Variants in EPHA6 observed in about 807,000 individuals in gnomAD.
EPHA6 encodes the protein ephrin type-A receptor 6.
Under a neutral mutation model 112.0 loss-of-function variants are expected in EPHA6, and 50 were observed. The observed-to-expected ratio is 0.45, with a 90% CI of 0.36 to 0.56. The LOEUF (loss-of-function observed/expected upper bound fraction) is 0.56, where lower values mean the gene tolerates loss of function less well. Among genes scored for constraint, EPHA6 ranks in the 20% least tolerant of loss-of-function variants. The probability of loss-of-function intolerance (pLI) is 0.00; values close to 1 mark genes in which losing one functional copy is unlikely to be tolerated. For missense variants in EPHA6, 1,280 were observed against 1,417.4 expected, an observed-to-expected ratio of 0.90 and a Z score of 1.56; for synonymous variants, 529 against 490.7, an observed-to-expected ratio of 1.08 and a Z score of -1.03.
intron 3 of EPHA6, among the ~76,000 whole-genome samples, chr3:97,217,662 T>C (rs1457816834): frequency 6.6e-6 from 1 of 152,202 alleles, no homozygotes; most frequent in Non-Finnish European, 1.5e-5. Context: ...TGTGTAGATA[T>C]ATCACAATAT....
At chr3:97,258,392 G>A (rs1041196649) in intron 5 of EPHA6, among the ~76,000 whole-genome samples, 6 of 151,932 alleles carry the variant, frequency 3.9e-5, no homozygotes, top group African/African-American at 1.5e-4. Flanking sequence ...TGCTCACTCA[G>A]GACATCAACA....
At chr3:97,613,744 T>G (rs2093739764) in intron 13 of EPHA6, among the ~76,000 whole-genome samples, 1 of 152,168 alleles carries the variant, frequency 6.6e-6, no homozygotes, top group Admixed American at 6.6e-5. Context: ...AAGCAAATCA[T>G]CAGCAGCCTG....
chr3:97,565,264 GA>G (rs543149359), intron 11 of EPHA6, among the ~76,000 whole-genome samples: 108 of 142,966 alleles, frequency 7.6e-4, no homozygotes, highest in African/African-American at 2.5e-3. Context: ...TTAGCCCCAA[GA>G]AAAAAAAAAG....
At chr3:97,384,618 T>A (rs2085950630) in intron 5 of EPHA6, among the ~76,000 whole-genome samples, 1 of 152,170 alleles carries the variant, frequency 6.6e-6, no homozygotes, top group African/African-American at 2.4e-5. Flanking sequence ...TGAGCCTGAG[T>A]CAACAGAATA....
chr3:97,323,136 A>G (rs2082198723), intron 5 of EPHA6, among the ~76,000 whole-genome samples: 1 of 151,968 alleles, frequency 6.6e-6, no homozygotes, highest in Non-Finnish European at 1.5e-5. Context: ...GCATTTAATC[A>G]TGCTACTGAG....
At chr3:97,135,001 G>A (rs2075732800) in intron 3 of EPHA6, among the ~76,000 whole-genome samples, 1 of 152,080 alleles carries the variant, frequency 6.6e-6, no homozygotes, top group Non-Finnish European at 1.5e-5. Flanking sequence ...CAGATAAGAG[G>A]AATTCAGAGA....
chr3:97,103,199 C>A (rs532815403), intron 3 of EPHA6, among the ~76,000 whole-genome samples: 4 of 152,086 alleles, frequency 2.6e-5, no homozygotes, highest in Non-Finnish European at 2.9e-5. Flanking sequence ...GTCATTAAAT[C>A]TTTGCCCATT....
chr3:96,851,263 G>T (rs1331494972), intron 1 of EPHA6, among the ~76,000 whole-genome samples: 1 of 152,054 alleles, frequency 6.6e-6, no homozygotes, highest in Non-Finnish European at 1.5e-5. Flanking sequence ...TAACAGTATG[G>T]ATCTGAGTGA....
At chr3:97,238,071 G>T (rs2078732655) in intron 4 of EPHA6, among the ~76,000 whole-genome samples, 1 of 151,860 alleles carries the variant, frequency 6.6e-6, no homozygotes, top group Non-Finnish European at 1.5e-5. Flanking sequence ...TACCATTTTG[G>T]AAATTTCCCA....
rs371280234 is a variant in EPHA6 at position 97,660,112 on chromosome 3, T to C, written c.2784+22030T>C. ...ATTCTTATGTGCATTTTTTTAATTT[T>C]TACTCTTGAAACCCTATAAAACATT... On this transcript the variant is annotated intron_variant, in intron 14 of 17. Coordinates refer to ENST00000389672, the MANE Select transcript of EPHA6 (RefSeq NM_001080448.3). Among the ~76,000 whole-genome samples, 34 of 152,202 alleles carry C rather than the reference T, an allele frequency of 2.2e-4. No homozygotes were observed. In the South Asian group the frequency reaches 2.7e-3, roughly 12 times the overall value.
intron 5 of EPHA6, among the ~76,000 whole-genome samples, chr3:97,296,885 TGTA>T (rs2080892833): frequency 6.6e-6 from 1 of 152,154 alleles, no homozygotes; most frequent in Non-Finnish European, 1.5e-5. Flanking sequence ...ATCATCCCAC[TGTA>T]GTCCTCTGGG....
At chr3:96,954,681 TAA>T (rs1346709506) in intron 2 of EPHA6, among the ~76,000 whole-genome samples, 2 of 151,818 alleles carry the variant, frequency 1.3e-5, no homozygotes, top group African/African-American at 4.8e-5. Context: ...GATAGTTTTA[TAA>T]GTTTTAAAAA....
chr3:97,747,615 G>C lies in EPHA6; in HGVS notation c.3278+43G>C. On this transcript the variant is annotated intron_variant, in intron 17 of 17. Coordinates refer to ENST00000389672, the MANE Select transcript of EPHA6 (RefSeq NM_001080448.3). ...TATTACTGTAACGAGATGTCCTGCTGGGGATTATAAGTTCAAATGCTGTAT... is the reference window on the plus strand; with the variant it reads ...TATTACTGTAACGAGATGTCCTGCTCGGGATTATAAGTTCAAATGCTGTAT... The C allele has an allele frequency of 2.0e-6, 3 of 1,512,972 alleles. No homozygotes were observed. In the South Asian group the frequency reaches 4.1e-5, roughly 21 times the overall value. The allele number at this position is 1,512,972 out of a possible 1,614,324, so 93.7% of individuals were successfully genotyped here. A position where few individuals can be genotyped will look rare whatever the true frequency, so the allele number is the denominator to read the frequency against.
Position 96,987,423 on chromosome 3 carries a change from C to T in EPHA6, c.544C>T (p.Arg182Cys), listed in dbSNP as rs760704852. 27 of 1,613,742 alleles carry T rather than the reference C, an allele frequency of 1.7e-5. No individual in the cohort carries two copies. Among genetic ancestry groups the T allele is most frequent in the African/African-American group, 5.3e-5 (4 of 74,892 alleles). The change falls in exon 3 of 18, where the codon CGT (arginine) becomes TGT (cysteine). Residue 182 changes from arginine to cysteine, a missense_variant. Coordinates refer to ENST00000389672, the MANE Select transcript of EPHA6 (RefSeq NM_001080448.3). ...VMEPNQNNWLRTNWISRDAAQ... is the reference protein window; with the variant it reads ...VMEPNQNNWLCTNWISRDAAQ... ...GGAACCAAACCAAAACAACTGGCTT[C>T]GTACAAACTGGATCTCCCGTGATGC...
rs151147203 is a variant in EPHA6, at chr3:97,628,173, T to C, written c.2575-9700T>C. On this transcript the variant is annotated intron_variant, in intron 13 of 17. Transcript: ENST00000389672. Reference sequence around the variant, plus strand: ...CTTTTGCCATAATCCAGGTAAGAGATAATGATGCTCTAAACTAGGATCGTT... The same window carrying C: ...CTTTTGCCATAATCCAGGTAAGAGACAATGATGCTCTAAACTAGGATCGTT... Among the ~76,000 whole-genome samples the C allele has an allele frequency of 5.3e-5, 8 of 152,170 alleles. No homozygotes were observed. The East Asian group carries it at 5.8e-4, about 11-fold the overall frequency.
At chr3:97,186,489 C>A (rs2077141252) in intron 3 of EPHA6, among the ~76,000 whole-genome samples, 1 of 152,120 alleles carries the variant, frequency 6.6e-6, no homozygotes, top group African/African-American at 2.4e-5. Flanking sequence ...TTGATCTTAT[C>A]AAGCTTCTTG....
intron 7 of EPHA6, among the ~76,000 whole-genome samples, chr3:97,469,116 T>A (rs1438372698): frequency 6.6e-6 from 1 of 151,708 alleles, no homozygotes; most frequent in Non-Finnish European, 1.5e-5. Flanking sequence ...TATCGAATGA[T>A]CATATGAAGG....
chr3:97,066,610 A>G (rs1037451435), intron 3 of EPHA6, among the ~76,000 whole-genome samples: 3 of 152,190 alleles, frequency 2.0e-5, no homozygotes, highest in Admixed American at 2.0e-4. Context: ...GGTTTATCTT[A>G]TCAAAACAGA....
rs778063250 is a variant in EPHA6, at chr3:97,638,056, G to A, written c.2758G>A (p.Asp920Asn). Residue 920 changes from aspartate (D) to asparagine (N), a missense_variant, in exon 14 of 18, where the codon GAT (aspartate) becomes AAT (asparagine). This residue lies in a region of EPHA6 where 878 missense variants were observed against 999.7 expected (regional missense o/e 0.88). Transcript: ENST00000389672. ...DFGLSRVLED[D>N]PEAAYTTTGG... is the part of the protein sequence containing the mutation. Reference sequence around the variant, plus strand: ...TGGTCTCTCCAGAGTGCTGGAAGATGATCCAGAAGCTGCTTATACAACAAC... The same window carrying A: ...TGGTCTCTCCAGAGTGCTGGAAGATAATCCAGAAGCTGCTTATACAACAAC... The A allele has an allele frequency of 6.2e-7, 1 of 1,613,664 alleles. No individual in the cohort carries two copies. Among genetic ancestry groups the A allele is most frequent in the Admixed American group, 1.7e-5 (1 of 59,982 alleles).
Sources: allele counts gnomAD v4.1 joint callset (sites outside exome capture counted in the v4.1 genomes callset), GRCh38; gene constraint gnomAD v4.1.1; regional missense constraint gnomAD v4.1.1; transcripts MANE v1.5; gene names NCBI Gene and HGNC (gene_info 2026-07-23, HGNC 2026-07-21).